TVP23C: variants seen among roughly 807,000 people sequenced by gnomAD.
The protein encoded by TVP23C is Golgi apparatus membrane protein TVP23 homolog C.
TVP23C carries 19 observed loss-of-function variants against 28.7 expected under a neutral mutation model. The observed-to-expected ratio is 0.66, with a 90% CI of 0.46 to 0.97. TVP23C has a LOEUF of 0.97. Ranked by LOEUF, TVP23C falls within the 50% of genes least tolerant of loss-of-function variation. The pLI is 0.00. For missense variants in TVP23C, 186 were observed against 241.3 expected (o/e 0.77, Z 1.52); for synonymous variants, 68 against 81.7 (o/e 0.83, Z 0.90).
intron 1 of TVP23C, among the ~76,000 whole-genome samples, chr17:15,556,516 C>T (rs1164137769): frequency 6.6e-6 from 1 of 152,140 alleles, no homozygotes; most frequent in East Asian, 1.9e-4. Context: ...CGCGTGCCAC[C>T]ATGCCTGGCT....
chr17:15,546,184 C>G (rs1464669294), intron 4 of TVP23C, among the ~76,000 whole-genome samples: 2 of 152,122 alleles, frequency 1.3e-5, no homozygotes, highest in African/African-American at 4.8e-5. Flanking sequence ...GGCTTCTATT[C>G]AATTCTTCTT....
chr17:15,525,241 T>G (rs1982671525), intron 5 of TVP23C, among the ~76,000 whole-genome samples: 1 of 152,126 alleles, frequency 6.6e-6, no homozygotes, highest in African/African-American at 2.4e-5. Context: ...CGGCACTGGG[T>G]CATGCACTGA....
intron 5 of TVP23C, among the ~76,000 whole-genome samples, chr17:15,522,380 A>G (rs1227500843): frequency 1.3e-5 from 2 of 152,224 alleles, no homozygotes; most frequent in Non-Finnish European, 2.9e-5. Context: ...GCAAAGAATT[A>G]GCATTCAGAA....
chr17:15,508,158 C>T (rs1043375971), intron 5 of TVP23C, among the ~76,000 whole-genome samples: 2 of 152,086 alleles, frequency 1.3e-5, no homozygotes, highest in Non-Finnish European at 2.9e-5. Flanking sequence ...GGACTGACTG[C>T]ATCCCTAGGA....
At chr17:15,513,202 G>T (rs1005513851) in intron 5 of TVP23C, among the ~76,000 whole-genome samples, 1 of 152,058 alleles carries the variant, frequency 6.6e-6, no homozygotes, top group Admixed American at 6.6e-5. Flanking sequence ...CAGAATATAC[G>T]GTCAGACTCA....
At chr17:15,544,219 T>C (rs1377635121) in intron 5 of TVP23C, among the ~76,000 whole-genome samples, 2 of 152,134 alleles carry the variant, frequency 1.3e-5, no homozygotes, top group Non-Finnish European at 2.9e-5. Context: ...TCCAGCCAGG[T>C]CATCATTTAA....
chr17:15,545,862 A>G lies in TVP23C; in HGVS notation c.385T>C (p.Leu129=), dbSNP rs748271475. The change falls in exon 5 of 6, where the codon TTG becomes CTG. Residue 129 remains leucine (L), a synonymous_variant. Transcript: ENST00000518321. ...VSEAESRIFW[L]GLIACSVLWV... is the part of the protein sequence containing the mutation. ...AGTACTGAACAGGCAATAAGTCCCA[A>G]CCAAAAGATTCTTGATTCAGCCTCT... 4 of 1,614,032 alleles carry G rather than the reference A, an allele frequency of 2.5e-6. No individual in the cohort carries two copies. The African/African-American group carries it at 5.3e-5, about 22-fold the overall frequency.
At chr17:15,507,383 G>T in intron 5 of TVP23C, 1 of 655,334 alleles carries the variant, frequency 1.5e-6, no homozygotes, top group Non-Finnish European at 2.8e-6. Context: ...CTTAACCACT[G>T]GACCATTCCT....
At position 15,540,492 on chromosome 17, in the gene TVP23C, T is replaced by A; in HGVS notation, c.532A>T (p.Ser178Cys). Residue 178 changes from serine (S) to cysteine (C), a missense_variant, in exon 6 of 6, where the codon AGC (serine) becomes TGC (cysteine). Physicochemically the swap from Ser to Cys is moderately radical, Grantham distance 112. This residue lies in a region of TVP23C where 74 missense variants were observed against 96.0 expected (regional missense o/e 0.77). Coordinates refer to ENST00000518321, the MANE Select transcript of TVP23C (RefSeq NM_001135036.2). The part of the protein sequence containing the change: ...LYGYIRCKVR[S>C]RKHLTSMATS... ...GCCATGCTGGTTAAATGCTTTCTGCTGCGCACCTTACACCTGATGTAACCA... is the reference window on the plus strand; with the variant it reads ...GCCATGCTGGTTAAATGCTTTCTGCAGCGCACCTTACACCTGATGTAACCA... 6.2e-7 allele frequency: 1 copy of A among 1,611,512 alleles called. No homozygotes were observed. The highest frequency in any genetic ancestry group is 8.5e-7 in the Non-Finnish European group (1 of 1,179,374).
At chr17:15,529,921 C>T (rs1982884601) in intron 5 of TVP23C, among the ~76,000 whole-genome samples, 1 of 152,028 alleles carries the variant, frequency 6.6e-6, no homozygotes, top group East Asian at 1.9e-4. Context: ...CCCTCAGCCT[C>T]CAGAGTAGTT....
intron 3 of TVP23C, among the ~76,000 whole-genome samples, chr17:15,548,315 C>T (rs1983736043): frequency 6.6e-6 from 1 of 152,146 alleles, no homozygotes; most frequent in Admixed American, 6.5e-5. Flanking sequence ...TACAGGCATG[C>T]GCCATCATGC....
intron 5 of TVP23C, chr17:15,506,929 T>C: frequency 1.7e-6 from 2 of 1,149,704 alleles, no homozygotes; most frequent in Non-Finnish European, 2.5e-6. Flanking sequence ...CCGCATCTCC[T>C]TTGAGCTGTT....
intron 2 of TVP23C, among the ~76,000 whole-genome samples, chr17:15,554,914 AT>A (rs1227348651): frequency 5.9e-5 from 9 of 152,258 alleles, no homozygotes; most frequent in Admixed American, 5.9e-4. Context: ...AAGTGAATTT[AT>A]TTAGAGAGAA....
chr17:15,524,654 G>A (rs2938175), intron 5 of TVP23C, among the ~76,000 whole-genome samples: 33,295 of 152,104 alleles, frequency 0.22, 4,630 homozygotes, highest in East Asian at 0.65. Context: ...CATCTGGGTG[G>A]TGTCCTCTTC....
At chr17:15,552,261 T>C (rs1379911079) in intron 3 of TVP23C, among the ~76,000 whole-genome samples, 5 of 152,150 alleles carry the variant, frequency 3.3e-5, no homozygotes, top group Non-Finnish European at 7.4e-5. Flanking sequence ...TTCAAAGAAA[T>C]GCAAGCCAAA....
intron 4 of TVP23C, among the ~76,000 whole-genome samples, chr17:15,546,437 T>C (rs1253651371): frequency 1.3e-5 from 2 of 152,088 alleles, no homozygotes; most frequent in Admixed American, 1.3e-4. Context: ...TACAGGCTCA[T>C]TGAACACAGT....
chr17:15,505,319 T>C (rs113465083), intron 5 of TVP23C, among the ~76,000 whole-genome samples: 3 of 152,190 alleles, frequency 2.0e-5, no homozygotes, highest in Admixed American at 6.5e-5. Flanking sequence ...TGGGAGTTTG[T>C]TGGTGGACCT....
intron 1 of TVP23C, among the ~76,000 whole-genome samples, chr17:15,559,313 T>TAAAAAAAA (rs56346847): frequency 2.2e-4 from 23 of 105,176 alleles, no homozygotes; most frequent in Non-Finnish European, 3.3e-4. Context: ...GGTACAGATT[T>TAAAAAAAA]AAAAAAAAAA....
At chr17:15,548,067 T>C (rs1983721208) in intron 3 of TVP23C, among the ~76,000 whole-genome samples, 2 of 152,120 alleles carry the variant, frequency 1.3e-5, no homozygotes, top group African/African-American at 4.8e-5. Context: ...TAGGTAAAAT[T>C]AAAAACACCC....
Sources: allele counts gnomAD v4.1 joint callset (sites outside exome capture counted in the v4.1 genomes callset), GRCh38; gene constraint gnomAD v4.1.1; regional missense constraint gnomAD v4.1.1; transcripts MANE v1.5; gene names NCBI Gene and HGNC (gene_info 2026-07-23, HGNC 2026-07-21).